The following YTHDC2 variants were observed in gnomAD, a reference collection of about 807,000 sequenced individuals.
The protein encoded by YTHDC2 is 3'-5' RNA helicase YTHDC2.
A neutral mutation model predicts 174.9 loss-of-function variants in YTHDC2; 45 were observed. The observed-to-expected ratio is 0.26, with a 90% CI of 0.20 to 0.33. YTHDC2 has a LOEUF of 0.33. Ranked by LOEUF, YTHDC2 falls within the 10% of genes least tolerant of loss-of-function variation. YTHDC2 has a pLI of 1.00. For missense variants in YTHDC2, 1,650 were observed against 1,723.7 expected (o/e 0.96, Z 0.76); for synonymous variants, 657 against 574.5 (o/e 1.14, Z -2.05).
chr5:113,529,742 T>A (rs1774525823), intron 4 of YTHDC2, among the ~76,000 whole-genome samples: 1 of 152,188 alleles, frequency 6.6e-6, no homozygotes, highest in South Asian at 2.1e-4. Context: ...TATAGATGCA[T>A]GTCTGTTGAC....
intron 1 of YTHDC2, among the ~76,000 whole-genome samples, chr5:113,515,066 A>G (rs1212914642): frequency 6.6e-6 from 1 of 152,080 alleles, no homozygotes; most frequent in African/African-American, 2.4e-5. Flanking sequence ...CAGAATTCTG[A>G]TAGACATTCA....
Position 113,565,931 on chromosome 5 carries a change from C to T in YTHDC2, c.2754C>T (p.Ala918=), listed in dbSNP as rs1777301764. The T allele has an allele frequency of 2.5e-6, 4 of 1,613,460 alleles. No individual in the cohort carries two copies. Among genetic ancestry groups the T allele is most frequent in the Non-Finnish European group, 3.4e-6 (4 of 1,179,674 alleles). Residue 918 remains alanine (A), a synonymous_variant, in exon 21 of 30, where the codon GCC becomes GCT. Transcript: ENST00000161863. ...QKARSDGWER[A]FCEKNFLSQA... ...CACGAAGTGATGGGTGGGAGCGAGC[C>T]TTTTGTGAAAAGAATTTTCTTTCAC...
chr5:113,560,627 A>C (rs1323356259), intron 17 of YTHDC2, among the ~76,000 whole-genome samples: 1 of 152,196 alleles, frequency 6.6e-6, no homozygotes, highest in Non-Finnish European at 1.5e-5. Context: ...CTGCTGCTTC[A>C]TAGAAAATTA....
chr5:113,579,660 C>T lies in YTHDC2; in HGVS notation c.3319C>T (p.Leu1107Phe), dbSNP rs1778275510. ...KTTANLAALK[L>F]DEWLHFTLEP... ...TACAGCTAATTTGGCAGCCTTGAAA[C>T]TTGATGAGTGGCTCCATTTCACACT... The change falls in exon 24 of 30, where the codon CTT becomes TTT. Residue 1107 changes from leucine to phenylalanine, a missense_variant. Physicochemically the swap from Leu to Phe is conservative, Grantham distance 22. Around this residue, in one of 5 missense-constraint regions of YTHDC2, gnomAD observed 913 missense variants for 940.4 expected, o/e 0.97. Coordinates refer to ENST00000161863, the MANE Select transcript of YTHDC2 (RefSeq NM_022828.5). 2 of 1,609,380 alleles carry T rather than the reference C, an allele frequency of 1.2e-6. No individual in the cohort carries two copies. The highest frequency in any genetic ancestry group is 1.1e-5 in the South Asian group (1 of 90,488).
chr5:113,550,782 C>CA (rs1580556351), intron 12 of YTHDC2, among the ~76,000 whole-genome samples: 1 of 150,956 alleles, frequency 6.6e-6, no homozygotes, highest in South Asian at 2.1e-4. Context: ...TTTGATTTAG[C>CA]AAAAAAAGAA....
intron 7 of YTHDC2, among the ~76,000 whole-genome samples, chr5:113,538,370 A>C (rs1775224421): frequency 6.6e-6 from 1 of 152,138 alleles, no homozygotes; most frequent in South Asian, 2.1e-4. Flanking sequence ...CCTCAGGATA[A>C]AGACATAAAC....
chr5:113,544,308 C>T (rs1381098062), intron 10 of YTHDC2, among the ~76,000 whole-genome samples: 1 of 151,974 alleles, frequency 6.6e-6, no homozygotes, highest in African/African-American at 2.4e-5. Flanking sequence ...GTCACCATGC[C>T]CAGCTAATTT....
At chr5:113,581,821 A>G (rs1778420528) in intron 25 of YTHDC2, 112 bp downstream of exon 25, 10 of 939,964 alleles carry the variant, frequency 1.1e-5, no homozygotes, top group African/African-American at 1.7e-5. Context: ...TTTATAATCT[A>G]AGATCCATGA....
In YTHDC2 at chr5:113,578,824, T is replaced by G. The variant is rs538495782; in HGVS notation, c.3245-762T>G. ...ATATCTCTGATTTCTTCCTTAAATA[T>G]ATTTGTGTTCTTCTAGTTCCTCTAC... is the stretch of plus-strand genomic sequence containing the variant. On this transcript the variant is annotated intron_variant, in intron 23 of 29. Transcript: ENST00000161863. 2.2e-4 allele frequency among the ~76,000 whole-genome samples: 34 copies of G among 152,300 alleles called. No individual in the cohort carries two copies. In the South Asian group the frequency reaches 7.0e-3, roughly 32 times the overall value.
At chr5:113,542,743 G>C (rs1580533744) in intron 10 of YTHDC2, among the ~76,000 whole-genome samples, 1 of 152,194 alleles carries the variant, frequency 6.6e-6, no homozygotes, top group African/African-American at 2.4e-5. Context: ...GAAGAGCTGT[G>C]TGATTACATG....
intron 23 of YTHDC2, among the ~76,000 whole-genome samples, chr5:113,574,947 T>TA (rs1258419952): frequency 6.6e-6 from 1 of 152,216 alleles, no homozygotes; most frequent in Non-Finnish European, 1.5e-5. Context: ...AGGGGTCATA[T>TA]AATCACTCAC....
In YTHDC2 at chr5:113,513,843, G is replaced by T; in HGVS notation, c.-53G>T. On this transcript the variant is annotated 5_prime_UTR_variant, in exon 1 of 30. Coordinates refer to ENST00000161863, the MANE Select transcript of YTHDC2 (RefSeq NM_022828.5). ...ATTCCCACGGTCTTTGTCATTGGCT[G>T]TCAGCTAGCAGGCCTGGCCGCTCCC... The T allele has an allele frequency of 6.6e-7, 1 of 1,518,988 alleles. No homozygotes were observed. The highest frequency in any genetic ancestry group is 8.8e-7 in the Non-Finnish European group (1 of 1,137,692). The allele number at this position is 1,518,988 out of a possible 1,614,324, so 94.1% of individuals were successfully genotyped here.
At chr5:113,520,883 C>A (rs1773817871) in intron 2 of YTHDC2, among the ~76,000 whole-genome samples, 1 of 152,126 alleles carries the variant, frequency 6.6e-6, no homozygotes, top group Non-Finnish European at 1.5e-5. Context: ...TCCTAGTACC[C>A]ATTATTTTTC....
chr5:113,522,584 C>T (rs1373116318), intron 2 of YTHDC2, among the ~76,000 whole-genome samples: 1 of 152,052 alleles, frequency 6.6e-6, no homozygotes, highest in African/African-American at 2.4e-5. Flanking sequence ...ACATGTGCAG[C>T]TAGTTTTTAG....
chr5:113,589,901 T>A (rs1778917157), intron 26 of YTHDC2, among the ~76,000 whole-genome samples: 1 of 152,168 alleles, frequency 6.6e-6, no homozygotes, highest in Non-Finnish European at 1.5e-5. Context: ...ACTTTTGGCA[T>A]TTTTTTCTTT....
At chr5:113,530,441 G>A (rs1379591166) in intron 4 of YTHDC2, among the ~76,000 whole-genome samples, 1 of 151,906 alleles carries the variant, frequency 6.6e-6, no homozygotes, top group Non-Finnish European at 1.5e-5. Context: ...CTTTTTTAGT[G>A]GTTGCCCTAG....
At chr5:113,561,219 T>G in intron 18 of YTHDC2, 34 bp downstream of exon 18, 3 of 1,569,184 alleles carry the variant, frequency 1.9e-6, no homozygotes, top group Non-Finnish European at 2.6e-6. Flanking sequence ...AGGCATTTTT[T>G]TGGGTGAGGG....
At chr5:113,556,261 T>C in intron 17 of YTHDC2, 127 bp downstream of exon 17, 1 of 506,652 alleles carries the variant, frequency 2.0e-6, no homozygotes, top group East Asian at 3.4e-5. Flanking sequence ...ATTTTTATAT[T>C]ATTTTTGCAA....
At chr5:113,514,147 ACGG>A in intron 1 of YTHDC2, 65 bp downstream of exon 1, 1 of 1,530,398 alleles carries the variant, frequency 6.5e-7, no homozygotes, top group Non-Finnish European at 8.8e-7. Flanking sequence ...CGCCCCCCAA[ACGG>A]CGGCCCACCG....
Sources: gnomAD v4.1 joint callset for allele counts (sites outside exome capture counted in the v4.1 genomes callset) on GRCh38, gnomAD v4.1.1 for gene constraint, gnomAD v4.1.1 regional missense constraint, MANE v1.5 for transcripts, NCBI Gene and HGNC (gene_info 2026-07-23, HGNC 2026-07-21) for gene names.